Variants in PADI4 observed in about 807,000 individuals in gnomAD.
PADI4 encodes protein-arginine deiminase type-4.
In PADI4, 62 loss-of-function variants were observed where a neutral mutation model predicts 75.0. The ratio of observed to expected loss-of-function variants is 0.83; its 90% confidence interval spans 0.67 to 1.02. The LOEUF (loss-of-function observed/expected upper bound fraction) is 1.02, where lower values mean the gene tolerates loss of function less well. PADI4 is among the 50% of genes least tolerant of loss of function. The pLI is 0.00. For synonymous variants in PADI4, 361 were observed against 348.1 expected, an observed-to-expected ratio of 1.04 and a Z score of -0.41; for missense variants, 845 against 850.5, an observed-to-expected ratio of 0.99 and a Z score of 0.08.
chr1:17,311,171 A>G (rs1392351793), intron 1 of PADI4, among the ~76,000 whole-genome samples: 2 of 152,028 alleles, frequency 1.3e-5, no homozygotes, highest in African/African-American at 4.8e-5. Flanking sequence ...GCTGAGGCAC[A>G]AGAGTTGCTT....
chr1:17,329,040 A>G (rs1475371467), intron 1 of PADI4, among the ~76,000 whole-genome samples: 2 of 145,606 alleles, frequency 1.4e-5, no homozygotes, highest in Non-Finnish European at 3.0e-5. Context: ...AAATTATATT[A>G]AGATATAATT....
chr1:17,345,326 G>T (rs1261407132), intron 8 of PADI4, among the ~76,000 whole-genome samples: 1 of 152,212 alleles, frequency 6.6e-6, no homozygotes, highest in Non-Finnish European at 1.5e-5. Flanking sequence ...AGGAGGAAGG[G>T]ACTTGCCCTG....
In PADI4 at chr1:17,356,559, G is replaced by T; in HGVS notation, c.1558+100G>T. On this transcript the variant is annotated intron_variant, in intron 13 of 15. Coordinates refer to ENST00000375448, the MANE Select transcript of PADI4 (RefSeq NM_012387.3). The surrounding 1 kb of genome is among the most constrained non-coding windows in gnomAD (Gnocchi z 4.1). The stretch of plus-strand genomic sequence containing the variant: ...TCATCCAGGCAATAGGGTAGCATCT[G>T]AGCACCTACTGTGCGCCAGGCACTG... 1 of 703,048 alleles carries T rather than the reference G, an allele frequency of 1.4e-6. No individual in the cohort carries two copies. Among genetic ancestry groups the T allele is most frequent in the Non-Finnish European group, 2.5e-6 (1 of 398,536 alleles). The allele number at this position is 703,048 out of a possible 1,614,324, so 43.6% of individuals were successfully genotyped here. A position where few individuals can be genotyped will look rare whatever the true frequency, so the allele number is the denominator to read the frequency against.
intron 1 of PADI4, among the ~76,000 whole-genome samples, chr1:17,318,111 A>T (rs1050090113): frequency 6.6e-6 from 1 of 152,358 alleles, no homozygotes; most frequent in Non-Finnish European, 1.5e-5. Flanking sequence ...CATTTTTAAC[A>T]AATTCCCCAG....
At chr1:17,314,220 T>C (rs1362424507) in intron 1 of PADI4, among the ~76,000 whole-genome samples, 15 of 152,202 alleles carry the variant, frequency 9.9e-5, no homozygotes, top group Non-Finnish European at 1.8e-4. Context: ...ATCTTCTTGG[T>C]GGACCAGACA....
intron 15 of PADI4, among the ~76,000 whole-genome samples, chr1:17,361,455 G>A (rs1411910333): frequency 3.9e-5 from 6 of 152,234 alleles, no homozygotes; most frequent in African/African-American, 1.4e-4. Context: ...CCAGGAGCTG[G>A]CTGTGGGAGG....
At chr1:17,357,729 A>G (rs10788665) in intron 13 of PADI4, among the ~76,000 whole-genome samples, 112,416 of 150,966 alleles carry the variant, frequency 0.74, 42,399 homozygotes, top group African/African-American at 0.87. Context: ...TCAGGAGTTC[A>G]AGGCCAGCTA....
intron 6 of PADI4, among the ~76,000 whole-genome samples, 159 bp from the exon 7 acceptor site, chr1:17,341,784 C>A (rs963063071): frequency 3.9e-5 from 6 of 152,190 alleles, no homozygotes; most frequent in Non-Finnish European, 8.8e-5. Flanking sequence ...GAACTTCAGT[C>A]CTTTTCTCCT....
chr1:17,359,999 T>A (rs560793025), intron 15 of PADI4, among the ~76,000 whole-genome samples: 4 of 152,206 alleles, frequency 2.6e-5, no homozygotes, highest in South Asian at 4.1e-4. Flanking sequence ...GTTAAGACAG[T>A]CATCTTGAGG....
At chr1:17,339,308 C>T (rs1000511504) in intron 5 of PADI4, among the ~76,000 whole-genome samples, 3 of 152,214 alleles carry the variant, frequency 2.0e-5, no homozygotes, top group Admixed American at 1.3e-4. Flanking sequence ...ACCTTTCACT[C>T]GTTCATTGCA....
chr1:17,310,128 C>G (rs973184784), intron 1 of PADI4, among the ~76,000 whole-genome samples: 1 of 152,208 alleles, frequency 6.6e-6, no homozygotes, highest in Non-Finnish European at 1.5e-5. Flanking sequence ...CCCTGAACAT[C>G]TCACGTAACA....
chr1:17,318,385 C>A (rs1415582060), intron 1 of PADI4, among the ~76,000 whole-genome samples: 2 of 152,184 alleles, frequency 1.3e-5, no homozygotes, highest in African/African-American at 4.8e-5. Context: ...ATTGTGAAAA[C>A]AAAGGTTAAT....
intron 5 of PADI4, 135 bp downstream of exon 5, chr1:17,338,290 T>A: frequency 1.6e-6 from 1 of 635,288 alleles, no homozygotes. Flanking sequence ...GTTTTATAGG[T>A]GAAGCAATGG....
intron 13 of PADI4, among the ~76,000 whole-genome samples, chr1:17,357,221 G>A (rs781527889): frequency 5.3e-5 from 8 of 152,314 alleles, no homozygotes; most frequent in Non-Finnish European, 1.2e-4. Context: ...AGGCTGGAGT[G>A]CAATGGCGCG....
At chr1:17,333,520 C>T (rs2074253599) in intron 2 of PADI4, among the ~76,000 whole-genome samples, 1 of 151,972 alleles carries the variant, frequency 6.6e-6, no homozygotes, top group Non-Finnish European at 1.5e-5. Context: ...CCAGATCCCC[C>T]AGGACCCGGC....
At chr1:17,337,939 A>T (rs2074345652) in intron 4 of PADI4, 99 bp from the exon 5 acceptor site, 1 of 511,430 alleles carries the variant, frequency 2.0e-6, no homozygotes, top group African/African-American at 2.0e-5. Flanking sequence ...AAATAAATAA[A>T]TTTTAAAAAA....
At chr1:17,323,106 G>A (rs2074058883) in intron 1 of PADI4, among the ~76,000 whole-genome samples, 1 of 152,172 alleles carries the variant, frequency 6.6e-6, no homozygotes, top group Non-Finnish European at 1.5e-5. Flanking sequence ...CTGTTGGTAG[G>A]ATTCAGGGCC....
In PADI4 at chr1:17,352,048, T is replaced by C. The variant is rs796392103; in HGVS notation, c.1156-2485T>C. ...AGGGAGGTGATGGGAGGAGAGGCAG[T>C]CAGGGAGGTGATGGGAGGTGGGAAG... On this transcript the variant is annotated intron_variant, in intron 10 of 15. Coordinates refer to ENST00000375448, the MANE Select transcript of PADI4 (RefSeq NM_012387.3). Among the ~76,000 whole-genome samples, 388 of 78,734 alleles carry C rather than the reference T, an allele frequency of 4.9e-3. 15 individuals are homozygous for C. Among genetic ancestry groups the C allele is most frequent in the African/African-American group, 0.011 (187 of 16,438 alleles). 51.7% of individuals were successfully genotyped at this position (78,734 alleles called of 152,430 possible).
At chr1:17,336,892 G>T (rs556589725) in intron 4 of PADI4, among the ~76,000 whole-genome samples, 1 of 152,288 alleles carries the variant, frequency 6.6e-6, no homozygotes, top group East Asian at 1.9e-4. Flanking sequence ...CTCCCGAAAT[G>T]CAGTCATTTC....
Sources: allele counts gnomAD v4.1 joint callset (sites outside exome capture counted in the v4.1 genomes callset), GRCh38; gene constraint gnomAD v4.1.1; non-coding constraint Gnocchi (gnomAD v3.1); transcripts MANE v1.5; gene names NCBI Gene and HGNC (gene_info 2026-07-23, HGNC 2026-07-21).